Variants in PGM2L1 observed in about 807,000 individuals in gnomAD.
PGM2L1 encodes phosphoglucomutase 2 like 1, also known as glucose 1,6-bisphosphate synthase.
In PGM2L1, 35 loss-of-function variants were observed where a neutral mutation model predicts 73.4. The ratio of observed to expected loss-of-function variants is 0.48; its 90% CI spans 0.36 to 0.63. The LOEUF is 0.63. Among genes scored for constraint, PGM2L1 ranks in the 30% least tolerant of loss-of-function variants. The probability of loss-of-function intolerance (pLI) is 0.00; values close to 1 mark genes in which losing one functional copy is unlikely to be tolerated. For missense variants in PGM2L1, 570 were observed against 742.0 expected, an observed-to-expected ratio of 0.77 and a Z score of 2.69; for synonymous variants, 225 against 253.8, an observed-to-expected ratio of 0.89 and a Z score of 1.08.
intron 5 of PGM2L1, among the ~76,000 whole-genome samples, chr11:74,364,539 G>A (rs566924671): frequency 6.6e-6 from 1 of 152,132 alleles, no homozygotes; most frequent in South Asian, 2.1e-4. Flanking sequence ...AATCAATGTG[G>A]AAAAATCACA....
At chr11:74,336,974 TC>T (rs1207762073) in intron 13 of PGM2L1, among the ~76,000 whole-genome samples, 6 of 152,082 alleles carry the variant, frequency 3.9e-5, no homozygotes, top group Non-Finnish European at 2.9e-5. Flanking sequence ...TAATAGGAGT[TC>T]CTTGGCACAT....
intron 1 of PGM2L1, among the ~76,000 whole-genome samples, chr11:74,377,647 C>G (rs1043644787): frequency 6.6e-6 from 1 of 152,028 alleles, no homozygotes; most frequent in African/African-American, 2.4e-5. Context: ...AGAAAAGTGA[C>G]TTATTTTTAT....
At position 74,360,110 on chromosome 11, in the gene PGM2L1, C is replaced by T. The variant is rs776789348; in HGVS notation, c.555+8382G>A. 4.1e-4 allele frequency among the ~76,000 whole-genome samples: 62 copies of T among 151,990 alleles called. 1 individual carries two copies. Among genetic ancestry groups the T allele is most frequent in the Non-Finnish European group, 1.0e-4 (7 of 67,978 alleles). ...AAAAAATTAGCTGGGTATGATGGCT[C>T]ATGCCTGTGGTTGGGAGACTGAGGC... On this transcript the variant is annotated intron_variant, in intron 5 of 13. Transcript: ENST00000298198.
chr11:74,378,305 T>TA (rs762519779), intron 1 of PGM2L1, among the ~76,000 whole-genome samples: 121 of 146,220 alleles, frequency 8.3e-4, no homozygotes, highest in African/African-American at 2.8e-3. Flanking sequence ...CCGTCTCAAT[T>TA]AAAAAAAAAA....
chr11:74,365,912 C>T (rs1468088782), intron 5 of PGM2L1, among the ~76,000 whole-genome samples: 3 of 152,086 alleles, frequency 2.0e-5, no homozygotes, highest in Non-Finnish European at 4.4e-5. Context: ...CACATGCACA[C>T]GTATGTTTAT....
At chr11:74,365,411 C>T (rs1419694662) in intron 5 of PGM2L1, among the ~76,000 whole-genome samples, 3 of 151,492 alleles carry the variant, frequency 2.0e-5, no homozygotes, top group Non-Finnish European at 4.4e-5. Context: ...AATAAACTAC[C>T]ATCAGAGTGA....
At chr11:74,397,952 G>T (rs1863204553) in intron 1 of PGM2L1, 99 bp downstream of exon 1, 1 of 1,399,530 alleles carries the variant, frequency 7.1e-7, no homozygotes, top group Admixed American at 2.9e-5. Context: ...GGTGTCCCGA[G>T]CCATCTCCTC....
intron 5 of PGM2L1, among the ~76,000 whole-genome samples, chr11:74,364,822 T>C (rs1862629300): frequency 6.6e-6 from 1 of 152,124 alleles, no homozygotes; most frequent in Non-Finnish European, 1.5e-5. Context: ...GCCATCCCCA[T>C]CAAGCTACCA....
intron 1 of PGM2L1, among the ~76,000 whole-genome samples, chr11:74,391,529 G>A (rs748059035): frequency 2.5e-4 from 38 of 151,790 alleles, no homozygotes; most frequent in African/African-American, 4.4e-4. Context: ...GGGGTGTAAC[G>A]TTTTTTTCTT....
At chr11:74,384,196 GTTTGTTAAT>G (rs1862989546) in intron 1 of PGM2L1, among the ~76,000 whole-genome samples, 1 of 151,778 alleles carries the variant, frequency 6.6e-6, no homozygotes, top group African/African-American at 2.4e-5. Flanking sequence ...CTATCTTGTA[GTTTGTTAAT>G]TCTCTCTCTG....
intron 1 of PGM2L1, among the ~76,000 whole-genome samples, chr11:74,382,978 TACA>T (rs1310363913): frequency 6.6e-6 from 1 of 152,198 alleles, no homozygotes; most frequent in African/African-American, 2.4e-5. Flanking sequence ...TATAAATCAA[TACA>T]ACATCTCAGA....
chr11:74,384,723 C>A (rs984875169), intron 1 of PGM2L1, among the ~76,000 whole-genome samples: 2 of 152,138 alleles, frequency 1.3e-5, no homozygotes, highest in Admixed American at 1.3e-4. Flanking sequence ...CACTAGCAAT[C>A]TAGGTTCACT....
rs1862069639 is a variant in PGM2L1, at chr11:74,334,903, CTCTCTT to C, written c.*1743_*1748del. On this transcript the variant is annotated 3_prime_UTR_variant, in exon 14 of 14. Coordinates refer to ENST00000298198, the MANE Select transcript of PGM2L1 (RefSeq NM_173582.6). The stretch of plus-strand genomic sequence containing the variant: ...ACACAGCATTTCTTTTTCTCTCTCT[CTCTCTT>C]TTTTTTTTTTTTTTTGAGATAAGGT... 7.0e-6 allele frequency: 1 copy of C among 142,614 alleles called. No individual in the cohort carries two copies. Among genetic ancestry groups the C allele is most frequent in the Non-Finnish European group, 1.5e-5 (1 of 66,726 alleles). 8.8% of individuals were successfully genotyped at this position (142,614 alleles called of 1,614,324 possible). A position where few individuals can be genotyped will look rare whatever the true frequency, so the allele number is the denominator to read the frequency against.
Position 74,350,170 on chromosome 11 carries a change from C to G in PGM2L1, c.749+1213G>C, listed in dbSNP as rs185572235. ...AGCTGGTAGCATTTAGCTAGTATTA[C>G]TGTCACTTATTTTAGACGGAGAAGC... On this transcript the variant is annotated intron_variant, in intron 6 of 13. Coordinates refer to ENST00000298198, the MANE Select transcript of PGM2L1 (RefSeq NM_173582.6). Among the ~76,000 whole-genome samples the G allele has an allele frequency of 3.2e-3, 490 of 152,298 alleles. 3 individuals are homozygous for G. The Middle Eastern group carries it at 0.034, about 11-fold the overall frequency.
chr11:74,351,601 T>C (rs370616254), intron 5 of PGM2L1, 25 bp from the exon 6 acceptor site: 52 of 1,540,568 alleles, frequency 3.4e-5, no homozygotes, highest in Non-Finnish European at 4.3e-5. Context: ...AATATAACCA[T>C]AATTACTTAA....
At chr11:74,366,454 T>G (rs1862660619) in intron 5 of PGM2L1, among the ~76,000 whole-genome samples, 1 of 99,118 alleles carries the variant, frequency 1.0e-5, no homozygotes, top group Non-Finnish European at 2.2e-5. Context: ...TGAGACCCCA[T>G]CTCTTAAAAA....
intron 5 of PGM2L1, among the ~76,000 whole-genome samples, chr11:74,360,848 G>A (rs187500833): frequency 0.026 from 3,919 of 152,298 alleles, 170 homozygotes; most frequent in African/African-American, 0.09. Context: ...CAGTGAGGCC[G>A]GGGGAGGGGC....
intron 5 of PGM2L1, among the ~76,000 whole-genome samples, chr11:74,362,607 TAA>T (rs1159056421): frequency 2.6e-5 from 4 of 152,052 alleles, no homozygotes; most frequent in African/African-American, 7.2e-5. Flanking sequence ...GCAAATTGGA[TAA>T]AGAGTCAAGA....
chr11:74,368,846 T>C (rs1023809498), intron 4 of PGM2L1, among the ~76,000 whole-genome samples: 2 of 152,202 alleles, frequency 1.3e-5, no homozygotes, highest in African/African-American at 4.8e-5. Flanking sequence ...TCCTTATATA[T>C]TCATTAAGGC....
Sources: gnomAD v4.1 joint callset for allele counts (sites outside exome capture counted in the v4.1 genomes callset) on GRCh38, gnomAD v4.1.1 for gene constraint, MANE v1.5 for transcripts, NCBI Gene and HGNC (gene_info 2026-07-23, HGNC 2026-07-21) for gene names.